The following ASCC3 variants were observed in gnomAD, a reference collection of about 807,000 sequenced individuals.
ASCC3 encodes ASC-1 complex subunit P200.
A neutral mutation model predicts 256.3 loss-of-function variants in ASCC3; 158 were observed. The observed-to-expected ratio is 0.62, with a 90% CI of 0.54 to 0.70. The LOEUF (loss-of-function observed/expected upper bound fraction) is 0.70, where lower values mean the gene tolerates loss of function less well. Ranked by LOEUF, ASCC3 falls within the 30% of genes least tolerant of loss-of-function variation. The pLI, the probability that ASCC3 is intolerant of heterozygous loss-of-function variation, is 0.00. For synonymous variants in ASCC3, 948 were observed against 883.4 expected (o/e 1.07, Z -1.30); for missense variants, 2,259 against 2,626.0 (o/e 0.86, Z 3.05).
chr6:100,594,156 C>G (rs1333140067), intron 34 of ASCC3, among the ~76,000 whole-genome samples: 2 of 151,982 alleles, frequency 1.3e-5, no homozygotes, highest in South Asian at 2.1e-4. Context: ...CTGAAGGGAG[C>G]TGGAATATGA....
chr6:100,570,215 T>C (rs978071453), intron 36 of ASCC3, among the ~76,000 whole-genome samples: 1 of 152,194 alleles, frequency 6.6e-6, no homozygotes. Context: ...TATATAATCA[T>C]ATCACCACCA....
chr6:100,669,023 AAATT>A (rs753496165), intron 14 of ASCC3, among the ~76,000 whole-genome samples: 12 of 151,720 alleles, frequency 7.9e-5, no homozygotes, highest in East Asian at 3.9e-4. Context: ...GTATAATTAT[AAATT>A]AATTATTTGT....
intron 37 of ASCC3, among the ~76,000 whole-genome samples, chr6:100,529,057 A>AGTGGTG (rs908430923): frequency 6.6e-6 from 1 of 152,210 alleles, no homozygotes; most frequent in Non-Finnish European, 1.5e-5. Flanking sequence ...TGGCACCATC[A>AGTGGTG]GTGGTGGTGG....
At chr6:100,628,037 G>C (rs769754231) in intron 27 of ASCC3, 50 bp from the exon 28 acceptor site, 1 of 1,580,728 alleles carries the variant, frequency 6.3e-7, no homozygotes, top group Non-Finnish European at 8.7e-7. Context: ...GCCTGTGTTG[G>C]TCATTGCAGC....
chr6:100,630,024 G>A (rs1388118108), intron 26 of ASCC3, among the ~76,000 whole-genome samples: 1 of 151,688 alleles, frequency 6.6e-6, no homozygotes, highest in Non-Finnish European at 1.5e-5. Context: ...CCAAGTAGCT[G>A]GGATTACAGG....
intron 4 of ASCC3, among the ~76,000 whole-genome samples, chr6:100,847,853 G>T (rs983899399): frequency 4.6e-5 from 7 of 152,046 alleles, no homozygotes; most frequent in African/African-American, 1.7e-4. Flanking sequence ...CATTCAATTT[G>T]TCCAGTATTA....
At chr6:100,651,755 G>A (rs1194734524) in intron 18 of ASCC3, 109 bp from the exon 19 acceptor site, 11 of 438,616 alleles carry the variant, frequency 2.5e-5, no homozygotes, top group Non-Finnish European at 3.8e-5. Context: ...GCCCTAGACA[G>A]TGCAGTTATA....
chr6:100,523,834 G>A lies in ASCC3; in HGVS notation c.5776-5692C>T, dbSNP rs1317400686. On this transcript the variant is annotated intron_variant, in intron 37 of 41. Coordinates refer to ENST00000369162, the MANE Select transcript of ASCC3 (RefSeq NM_006828.4). ...AAGCTAACATTTTAAGCTTGACAACGTATCTTCTACATTTCATATTAAGTA... is the reference window on the plus strand; with the variant it reads ...AAGCTAACATTTTAAGCTTGACAACATATCTTCTACATTTCATATTAAGTA... Among the ~76,000 whole-genome samples, 6 of 152,144 alleles carry A rather than the reference G, an allele frequency of 3.9e-5. 1 individual carries two copies. Among genetic ancestry groups the A allele is most frequent in the African/African-American group, 1.2e-4 (5 of 41,534 alleles).
intron 36 of ASCC3, among the ~76,000 whole-genome samples, chr6:100,562,596 T>C (rs1770013881): frequency 6.6e-6 from 1 of 152,110 alleles, no homozygotes; most frequent in South Asian, 2.1e-4. Context: ...AGAACGTAAG[T>C]TTATGTTTTG....
At chr6:100,820,246 T>A (rs1770969860) in intron 4 of ASCC3, among the ~76,000 whole-genome samples, 1 of 152,060 alleles carries the variant, frequency 6.6e-6, no homozygotes, top group South Asian at 2.1e-4. Flanking sequence ...TCTAACTTAC[T>A]ACACAGCAAC....
chr6:100,638,879 T>A, intron 24 of ASCC3, 58 bp from the exon 25 acceptor site: 1 of 1,300,412 alleles, frequency 7.7e-7, no homozygotes, highest in Non-Finnish European at 1.1e-6. Context: ...TAATACTGAA[T>A]ACTGTATTAT....
intron 34 of ASCC3, among the ~76,000 whole-genome samples, chr6:100,597,755 G>A (rs963147348): frequency 5.4e-5 from 8 of 147,148 alleles, no homozygotes; most frequent in Middle Eastern, 3.5e-3. Flanking sequence ...GGCGGTTCAC[G>A]AGGTCAGAAG....
intron 37 of ASCC3, among the ~76,000 whole-genome samples, chr6:100,526,302 A>G (rs1337790719): frequency 1.3e-5 from 2 of 152,210 alleles, no homozygotes; most frequent in Admixed American, 1.3e-4. Context: ...AAGTGAATTG[A>G]TCACACAAAT....
intron 30 of ASCC3, among the ~76,000 whole-genome samples, chr6:100,623,860 C>G (rs1289324670): frequency 6.6e-6 from 1 of 151,520 alleles, no homozygotes; most frequent in East Asian, 1.9e-4. Flanking sequence ...GCAAAGTCTT[C>G]TATTTGTAAA....
intron 10 of ASCC3, among the ~76,000 whole-genome samples, chr6:100,732,165 C>CAAA (rs386408063): frequency 2.1e-4 from 22 of 105,082 alleles, no homozygotes; most frequent in East Asian, 2.4e-4. Flanking sequence ...CGTCTCAAAA[C>CAAA]AAAAAAAAAA....
intron 24 of ASCC3, among the ~76,000 whole-genome samples, chr6:100,640,042 C>T (rs539906833): frequency 4.6e-5 from 7 of 151,932 alleles, no homozygotes; most frequent in Admixed American, 1.3e-4. Context: ...TTGAACCCGG[C>T]GAGTGGTGGT....
chr6:100,800,205 TC>T lies in ASCC3; in HGVS notation c.1127+94del. The T allele has an allele frequency of 3.7e-6, 5 of 1,346,710 alleles. 1 individual carries two copies. The South Asian group carries it at 6.2e-5, about 17-fold the overall frequency. The allele number at this position is 1,346,710 out of a possible 1,614,324, so 83.4% of individuals were successfully genotyped here. A position where few individuals can be genotyped will look rare whatever the true frequency, so the allele number is the denominator to read the frequency against. ...AAGAAAACGTGACTTGAAGTAAAAA[TC>T]ATCTATACTGCTAAGACTAAACTAA... On this transcript the variant is annotated intron_variant, in intron 6 of 41. Coordinates refer to ENST00000369162, the MANE Select transcript of ASCC3 (RefSeq NM_006828.4).
At chr6:100,741,133 C>T (rs1018326909) in intron 10 of ASCC3, among the ~76,000 whole-genome samples, 1 of 152,136 alleles carries the variant, frequency 6.6e-6, no homozygotes, top group African/African-American at 2.4e-5. Flanking sequence ...TTCTCCTTTG[C>T]TTATGAAGCT....
chr6:100,561,839 G>C (rs1582451978), intron 36 of ASCC3, among the ~76,000 whole-genome samples: 1 of 152,120 alleles, frequency 6.6e-6, no homozygotes, highest in East Asian at 1.9e-4. Context: ...TGATATAAAA[G>C]ACCTAAATCT....
Sources: allele counts gnomAD v4.1 joint callset (sites outside exome capture counted in the v4.1 genomes callset), GRCh38; gene constraint gnomAD v4.1.1; transcripts MANE v1.5; gene names NCBI Gene and HGNC (gene_info 2026-07-23, HGNC 2026-07-21).